Variants in CLCN7 observed in about 807,000 individuals in gnomAD.
CLCN7 encodes H(+)/Cl(-) exchange transporter 7.
In CLCN7, 60 loss-of-function variants were observed where a neutral mutation model predicts 102.1. That is an observed-to-expected ratio of 0.59 (90% CI 0.48 to 0.73). CLCN7 has a LOEUF of 0.73. CLCN7 is among the 30% of genes least tolerant of loss of function. The pLI is 0.00. For missense variants in CLCN7, 962 were observed against 1,125.7 expected, an observed-to-expected ratio of 0.85 and a Z score of 2.08; for synonymous variants, 560 against 490.5, an observed-to-expected ratio of 1.14 and a Z score of -1.87.
chr16:1,447,633 T>A (rs759242069), intron 22 of CLCN7, 22 bp downstream of exon 22: 27 of 1,552,000 alleles, frequency 1.7e-5, no homozygotes, highest in Admixed American at 1.6e-4. Context: ...ACCCGCCCAA[T>A]GGCCCGGAGC....
rs559911117 is a variant in CLCN7, at chr16:1,446,028, C to G, written c.*603G>C. On this transcript the variant is annotated 3_prime_UTR_variant, in exon 25 of 25. Coordinates refer to ENST00000382745, the MANE Select transcript of CLCN7 (RefSeq NM_001287.6). Reference sequence around the variant, plus strand: ...CTGTGTACCCAAGCCGGATGCAGGCCGGGGAGTGCACGTGGGGCTCCTCTG... The same window carrying G: ...CTGTGTACCCAAGCCGGATGCAGGCGGGGGAGTGCACGTGGGGCTCCTCTG... 5.4e-6 allele frequency: 3 copies of G among 555,320 alleles called. No individual in the cohort carries two copies. The African/African-American group carries it at 5.7e-5, about 11-fold the overall frequency. 34.4% of individuals were successfully genotyped at this position (555,320 alleles called of 1,614,324 possible).
intron 1 of CLCN7, among the ~76,000 whole-genome samples, chr16:1,468,785 G>T (rs1052409703): frequency 6.6e-6 from 1 of 152,152 alleles, no homozygotes; most frequent in Non-Finnish European, 1.5e-5. Context: ...CACTCTCTTG[G>T]TTTTGGGGCT....
At chr16:1,449,658 G>A (rs2038712369) in intron 17 of CLCN7, 2 of 385,476 alleles carry the variant, frequency 5.2e-6, no homozygotes, top group Non-Finnish European at 9.6e-6. Flanking sequence ...GACACAGAGA[G>A]CCCCGGGAAC....
At position 1,451,750 on chromosome 16, in the gene CLCN7, G is replaced by A. The variant is rs764284625; in HGVS notation, c.1354-34C>T. ...TCGGGAGAGAGCACACGTTGGGAGG[G>A]GAGATGAGCTGGTGGGCTGCAGGCA... is the stretch of plus-strand genomic sequence containing the variant. On this transcript the variant is annotated intron_variant, in intron 15 of 24. Transcript: ENST00000382745. 2.6e-5 allele frequency: 41 copies of A among 1,569,472 alleles called. No individual in the cohort carries two copies. In the Admixed American group the frequency reaches 6.6e-4, roughly 25 times the overall value.
chr16:1,451,761 G>T, intron 15 of CLCN7, 45 bp from the exon 16 acceptor site: 2 of 1,527,714 alleles, frequency 1.3e-6, no homozygotes, highest in Non-Finnish European at 1.8e-6. Flanking sequence ...GAGATGAGCT[G>T]GTGGGCTGCA....
chr16:1,449,182 C>T, intron 18 of CLCN7, 89 bp from the exon 19 acceptor site: 3 of 1,586,346 alleles, frequency 1.9e-6, no homozygotes, highest in South Asian at 2.3e-5. Flanking sequence ...CCATCCCATC[C>T]ACCTGCTCCC....
At position 1,452,837 on chromosome 16, in the gene CLCN7, G is replaced by A. The variant is rs1435171864; in HGVS notation, c.1271C>T (p.Thr424Met). Residue 424 changes from threonine to methionine, a missense_variant, in exon 15 of 25, where the codon ACG becomes ATG. Coordinates refer to ENST00000382745, the MANE Select transcript of CLCN7 (RefSeq NM_001287.6). ...VIEAVLVAAV[T>M]ATVAFVLIYS... ...GATCAGCACGAAGGCAACTGTGGCC[G>A]TGACGGCGGCCACCAGCACGGCCTC... The A allele has an allele frequency of 6.3e-7, 1 of 1,590,900 alleles. No homozygotes were observed. Among genetic ancestry groups the A allele is most frequent in the Non-Finnish European group, 8.6e-7 (1 of 1,168,980 alleles).
In CLCN7 at chr16:1,455,488, G is replaced by T. The variant is rs1410700253; in HGVS notation, c.982-238C>A. ...AAGAGGGGAAGGTGGGGCAGGGCTG[G>T]GTTCCCGGCTGTTTGATCCCCTACC... On this transcript the variant is annotated intron_variant, in intron 11 of 24. Transcript: ENST00000382745. 4.9e-5 allele frequency: 32 copies of T among 649,542 alleles called. No homozygotes were observed. The South Asian group carries it at 5.4e-4, about 11-fold the overall frequency. The allele number at this position is 649,542 out of a possible 1,614,324, so 40.2% of individuals were successfully genotyped here. A position where few individuals can be genotyped will look rare whatever the true frequency, so the allele number is the denominator to read the frequency against.
At chr16:1,454,498 G>C (rs1429655962) in intron 12 of CLCN7, 33 bp from the exon 13 acceptor site, 1 of 1,597,488 alleles carries the variant, frequency 6.3e-7, no homozygotes, top group East Asian at 2.2e-5. Context: ...CAGAGGATGT[G>C]AGGGAAAAGG....
rs1156369477 is a variant in CLCN7 at position 1,457,009 on chromosome 16, G to C, written c.822+245C>G. Reference sequence around the variant, plus strand: ...CTCTGAGAAGCCGCTTGGAGCCACAGACCCTCCCACGGGAAACACTGATGC... The same window carrying C: ...CTCTGAGAAGCCGCTTGGAGCCACACACCCTCCCACGGGAAACACTGATGC... On this transcript the variant is annotated intron_variant, in intron 9 of 24. Coordinates refer to ENST00000382745, the MANE Select transcript of CLCN7 (RefSeq NM_001287.6). The surrounding 1 kb of genome is among the most constrained non-coding windows in gnomAD (Gnocchi z 5.4). Among the ~76,000 whole-genome samples the C allele has an allele frequency of 1.3e-5, 2 of 152,146 alleles. No homozygotes were observed. The highest frequency in any genetic ancestry group is 4.8e-5 in the African/African-American group (2 of 41,428).
intron 1 of CLCN7, among the ~76,000 whole-genome samples, chr16:1,468,930 C>G (rs1045458036): frequency 1.3e-5 from 2 of 151,992 alleles, no homozygotes; most frequent in African/African-American, 4.8e-5. Flanking sequence ...GTGGCTCACG[C>G]CTGTAATCCC....
chr16:1,468,077 T>A (rs965165077), intron 1 of CLCN7, among the ~76,000 whole-genome samples: 9 of 151,514 alleles, frequency 5.9e-5, no homozygotes, highest in East Asian at 1.9e-4. Context: ...GGCAAGACCC[T>A]ATCTCTAAAA....
intron 1 of CLCN7, among the ~76,000 whole-genome samples, chr16:1,472,299 C>T (rs1309849407): frequency 1.3e-5 from 2 of 152,030 alleles, no homozygotes; most frequent in African/African-American, 2.4e-5. Flanking sequence ...GGCGTGATCT[C>T]GGCTCAGTGC....
intron 14 of CLCN7, 77 bp downstream of exon 14, chr16:1,453,757 C>A: frequency 7.3e-7 from 1 of 1,369,104 alleles, no homozygotes; most frequent in Non-Finnish European, 1.0e-6. Context: ...GTGTAAACCC[C>A]ATTCCACCAC....
At chr16:1,460,970 A>AGGGTCAGGCAGGGCCC in intron 4 of CLCN7, 22 bp from the exon 5 acceptor site, 1 of 1,610,184 alleles carries the variant, frequency 6.2e-7, no homozygotes, top group South Asian at 1.1e-5. Flanking sequence ...GGTCAGGGCG[A>AGGGTCAGGCAGGGCCC]GGGTCAGGCA....
At chr16:1,459,018 T>C in intron 7 of CLCN7, 89 bp downstream of exon 7, 2 of 1,169,086 alleles carry the variant, frequency 1.7e-6, no homozygotes, top group South Asian at 2.9e-5. Flanking sequence ...CTGAGGCCAG[T>C]TCTGGAAGGC....
chr16:1,469,651 C>T (rs962743759), intron 1 of CLCN7, among the ~76,000 whole-genome samples: 1 of 152,040 alleles, frequency 6.6e-6, no homozygotes, highest in Admixed American at 6.6e-5. Context: ...ACACCACTGC[C>T]CTTCAGCCTG....
At chr16:1,470,282 C>A (rs1444408991) in intron 1 of CLCN7, among the ~76,000 whole-genome samples, 2 of 152,212 alleles carry the variant, frequency 1.3e-5, no homozygotes, top group Non-Finnish European at 2.9e-5. Context: ...GAGGCGTGCA[C>A]CACCATGCCT....
intron 2 of CLCN7, among the ~76,000 whole-genome samples, chr16:1,462,439 G>A (rs575636716): frequency 8.4e-5 from 11 of 131,032 alleles, no homozygotes; most frequent in East Asian, 6.9e-4. Flanking sequence ...GCAGTGACGC[G>A]ATCTCAACTC....
Sources: gnomAD v4.1 joint callset for allele counts (sites outside exome capture counted in the v4.1 genomes callset) on GRCh38, gnomAD v4.1.1 for gene constraint, Gnocchi (gnomAD v3.1) non-coding constraint, MANE v1.5 for transcripts, NCBI Gene and HGNC (gene_info 2026-07-23, HGNC 2026-07-21) for gene names.